Variants in TTC7B observed in about 807,000 individuals in gnomAD.
The protein encoded by TTC7B is tetratricopeptide repeat protein 7B.
Under a neutral mutation model 106.8 loss-of-function variants are expected in TTC7B, and 28 were observed. That is an observed-to-expected ratio of 0.26 (90% CI 0.19 to 0.36). TTC7B has a LOEUF of 0.36. Ranked by LOEUF, TTC7B falls within the 10% of genes least tolerant of loss-of-function variation. The probability of loss-of-function intolerance (pLI) is 1.00; values close to 1 mark genes in which losing one functional copy is unlikely to be tolerated. For missense variants in TTC7B, 862 were observed against 1,076.4 expected, an observed-to-expected ratio of 0.80 and a Z score of 2.79; for synonymous variants, 405 against 430.6, an observed-to-expected ratio of 0.94 and a Z score of 0.74.
At chr14:90,554,178 G>A (rs1007214865) in intron 19 of TTC7B, among the ~76,000 whole-genome samples, 1 of 152,188 alleles carries the variant, frequency 6.6e-6, no homozygotes, top group South Asian at 2.1e-4. Flanking sequence ...GCTGGCAATC[G>A]GTGGGACATC....
intron 2 of TTC7B, among the ~76,000 whole-genome samples, chr14:90,783,455 A>G (rs1043442152): frequency 1.3e-5 from 2 of 152,264 alleles, no homozygotes; most frequent in African/African-American, 4.8e-5. Flanking sequence ...CTAATAACAT[A>G]GCAAGAAATG....
chr14:90,601,258 T>C (rs775232496), intron 17 of TTC7B, among the ~76,000 whole-genome samples: 2 of 152,190 alleles, frequency 1.3e-5, no homozygotes, highest in Non-Finnish European at 2.9e-5. Flanking sequence ...ATACCTAGAT[T>C]TCTTTTAAAG....
intron 7 of TTC7B, among the ~76,000 whole-genome samples, chr14:90,684,945 G>A (rs965130053): frequency 2.6e-5 from 4 of 152,128 alleles, no homozygotes; most frequent in Non-Finnish European, 4.4e-5. Context: ...CACCCAGAAG[G>A]AAAGAAAGCA....
chr14:90,743,031 G>A (rs1889827207), intron 4 of TTC7B, among the ~76,000 whole-genome samples: 1 of 152,232 alleles, frequency 6.6e-6, no homozygotes, highest in African/African-American at 2.4e-5. Flanking sequence ...GGTCCATCAA[G>A]GAGGCAGACA....
At chr14:90,632,705 C>T (rs1884754672) in intron 15 of TTC7B, among the ~76,000 whole-genome samples, 1 of 152,186 alleles carries the variant, frequency 6.6e-6, no homozygotes, top group Non-Finnish European at 1.5e-5. Context: ...GGCCAGATTG[C>T]CTGGGTTGAA....
At chr14:90,721,814 C>T (rs1265426292) in intron 5 of TTC7B, among the ~76,000 whole-genome samples, 3 of 152,146 alleles carry the variant, frequency 2.0e-5, no homozygotes, top group East Asian at 3.8e-4. Flanking sequence ...ATAAAGCCAG[C>T]GACTGGGTCT....
chr14:90,598,910 G>A (rs1892319944), intron 17 of TTC7B, among the ~76,000 whole-genome samples: 1 of 152,252 alleles, frequency 6.6e-6, no homozygotes, highest in Non-Finnish European at 1.5e-5. Flanking sequence ...CACTTTGGGA[G>A]GCTGAGGCGG....
intron 11 of TTC7B, among the ~76,000 whole-genome samples, chr14:90,656,370 T>A (rs925632266): frequency 2.0e-5 from 3 of 152,224 alleles, no homozygotes; most frequent in Admixed American, 6.5e-5. Flanking sequence ...CAATTATCTA[T>A]ACCACCATCT....
chr14:90,605,753 C>T lies in TTC7B; in HGVS notation c.1966+4989G>A, dbSNP rs534647577. 3.7e-5 allele frequency: 46 copies of T among 1,244,764 alleles called. No homozygotes were observed. The African/African-American group carries it at 6.7e-4, about 18-fold the overall frequency. The allele number at this position is 1,244,764 out of a possible 1,614,324, so 77.1% of individuals were successfully genotyped here. A position where few individuals can be genotyped will look rare whatever the true frequency, so the allele number is the denominator to read the frequency against. ...AGAGGAGAGGAGGAGGAGGAGGAAT[C>T]TGACACTAAAAAAGTGAAAGAGAAA... On this transcript the variant is annotated intron_variant, in intron 17 of 19. Transcript: ENST00000328459.
chr14:90,635,526 C>T (rs190011970), intron 15 of TTC7B, among the ~76,000 whole-genome samples: 4 of 151,920 alleles, frequency 2.6e-5, no homozygotes, highest in South Asian at 2.1e-4. Context: ...TTTGGGAGGC[C>T]GAGGTGGGAG....
intron 3 of TTC7B, among the ~76,000 whole-genome samples, chr14:90,753,978 C>T (rs1735591518): frequency 6.6e-6 from 1 of 152,232 alleles, no homozygotes. Context: ...TGAATTTATG[C>T]TCTTTCAGTC....
At chr14:90,694,933 AAT>A (rs199607990) in intron 6 of TTC7B, among the ~76,000 whole-genome samples, 1 of 68,646 alleles carries the variant, frequency 1.5e-5, no homozygotes. Flanking sequence ...ATATATGTAT[AAT>A]ATGTCACATA....
At position 90,737,720 on chromosome 14, in the gene TTC7B, G is replaced by A. The variant is rs111470236; in HGVS notation, c.576+7072C>T. Among the ~76,000 whole-genome samples, 865 of 151,928 alleles carry A rather than the reference G, an allele frequency of 5.7e-3. 8 individuals carry two copies. Among genetic ancestry groups the A allele is most frequent in the South Asian group, 0.016 (75 of 4,818 alleles). Reference sequence around the variant, plus strand: ...ACTGCAGGTGCACACCACCACGCCCGACCAATTTTTGTATTTTTAGTAGAG... The same window carrying A: ...ACTGCAGGTGCACACCACCACGCCCAACCAATTTTTGTATTTTTAGTAGAG... On this transcript the variant is annotated intron_variant, in intron 4 of 19. Coordinates refer to ENST00000328459, the MANE Select transcript of TTC7B (RefSeq NM_001010854.2).
chr14:90,730,110 T>A lies in TTC7B; in HGVS notation c.663A>T (p.Gly221=). The A allele has an allele frequency of 6.2e-7, 1 of 1,613,748 alleles. No individual in the cohort carries two copies. Among genetic ancestry groups the A allele is most frequent in the East Asian group, 2.2e-5 (1 of 44,860 alleles). Residue 221 remains glycine, a synonymous_variant, in exon 5 of 20, where the codon GGA becomes GGT. Coordinates refer to ENST00000328459, the MANE Select transcript of TTC7B (RefSeq NM_001010854.2). ...AATAGAGGACATGGGCTCTCTGAAG[T>A]CCTGTTTCTAGGAAAAAACCTAGTT... is the stretch of plus-strand genomic sequence containing the variant. ...DQELGFFLET[G]LQRAHVLYFK...
intron 18 of TTC7B, among the ~76,000 whole-genome samples, 183 bp downstream of exon 18, chr14:90,593,292 GGATACAGAGTC>G (rs1892045248): frequency 1.3e-5 from 2 of 152,236 alleles, no homozygotes; most frequent in Admixed American, 1.3e-4. Flanking sequence ...AGGGATCGGG[GGATACAGAGTC>G]ACTTGCGGTT....
intron 17 of TTC7B, among the ~76,000 whole-genome samples, chr14:90,594,944 G>A (rs1892141580): frequency 6.6e-6 from 1 of 152,162 alleles, no homozygotes; most frequent in Non-Finnish European, 1.5e-5. Flanking sequence ...AATCAGAGTG[G>A]GCCGACAGTG....
At chr14:90,617,888 C>T in intron 16 of TTC7B, 41 bp downstream of exon 16, 1 of 1,509,898 alleles carries the variant, frequency 6.6e-7, no homozygotes. Flanking sequence ...GGCAGGGACC[C>T]ATGCAAAAGC....
At chr14:90,793,950 T>C (rs2140048668) in intron 1 of TTC7B, among the ~76,000 whole-genome samples, 1 of 151,962 alleles carries the variant, frequency 6.6e-6, no homozygotes, top group East Asian at 1.9e-4. Flanking sequence ...TCACCCAGGC[T>C]GGAGTGCAGT....
At chr14:90,542,244 T>A (rs1238644856) in intron 19 of TTC7B, among the ~76,000 whole-genome samples, 1 of 151,998 alleles carries the variant, frequency 6.6e-6, no homozygotes, top group Non-Finnish European at 1.5e-5. Flanking sequence ...TGGCCTGTCG[T>A]CTTTTTTTTT....
Sources: gnomAD v4.1 joint callset for allele counts (sites outside exome capture counted in the v4.1 genomes callset) on GRCh38, gnomAD v4.1.1 for gene constraint, MANE v1.5 for transcripts, NCBI Gene and HGNC (gene_info 2026-07-23, HGNC 2026-07-21) for gene names.